The following BYSL variants were observed in gnomAD, a reference collection of about 807,000 sequenced individuals.
BYSL encodes bystin like, also known as bystin.
A neutral mutation model predicts 45.4 loss-of-function variants in BYSL; 21 were observed. That is an observed-to-expected ratio of 0.46 (90% confidence interval 0.33 to 0.67). The LOEUF (loss-of-function observed/expected upper bound fraction) is 0.67. Among genes scored for constraint, BYSL ranks in the 30% least tolerant of loss-of-function variants. The pLI, the probability that BYSL is intolerant of heterozygous loss-of-function variation, is 0.02. For missense variants in BYSL, 522 were observed against 578.5 expected (o/e 0.90, Z 1.00); for synonymous variants, 215 against 231.3 (o/e 0.93, Z 0.64).
At chr6:41,912,447 C>A in the BYSL span, among the ~76,000 whole-genome samples, 1 of 150,596 alleles carries the variant, frequency 6.6e-6, no homozygotes, top group Middle Eastern at 3.2e-3. Flanking sequence ...GCCTCTGCCT[C>A]CCAAGTTCAA....
the BYSL span, among the ~76,000 whole-genome samples, chr6:41,915,716 G>T: frequency 6.6e-6 from 1 of 151,816 alleles, no homozygotes; most frequent in African/African-American, 2.4e-5. Context: ...GAACCCTGGA[G>T]GCGGAGCTTG....
chr6:41,930,736 C>G lies in BYSL; in HGVS notation c.672C>G (p.Ala224=). 1 of 1,614,028 alleles carries G rather than the reference C, an allele frequency of 6.2e-7. No homozygotes were observed. The highest frequency in any genetic ancestry group is 8.5e-7 in the Non-Finnish European group (1 of 1,179,944). ...EQILYVTEPE[A]WTAAAMYQAT... ...TCCTCTACGTCACAGAGCCGGAGGC[C>G]TGGACTGCAGCTGCCATGTACCAGG... The change falls in exon 4 of 7, where the codon GCC becomes GCG. Residue 224 remains alanine, a synonymous_variant. Transcript: ENST00000230340.
chr6:41,918,714 G>T (rs939001421), upstream of BYSL, among the ~76,000 whole-genome samples: 3 of 150,614 alleles, frequency 2.0e-5, no homozygotes, highest in African/African-American at 7.3e-5. Context: ...TTGGGAGGCC[G>T]AGGCGGGTGG....
chr6:41,931,223 C>T (rs1420228443), intron 4 of BYSL, among the ~76,000 whole-genome samples, 173 bp from the exon 5 acceptor site: 1 of 130,806 alleles, frequency 7.6e-6, no homozygotes, highest in Non-Finnish European at 1.7e-5. Flanking sequence ...CTCCTATTCT[C>T]TCTCTAAGCT....
upstream of BYSL, chr6:41,917,665 T>G (rs1303852176): frequency 7.0e-6 from 3 of 428,844 alleles, no homozygotes; most frequent in South Asian, 4.9e-5. Flanking sequence ...ATGCCAAAGA[T>G]TCTAGATGAC....
rs1389916166 is a variant in BYSL, at chr6:41,921,969, G to A, written c.268+139G>A. On this transcript the variant is annotated intron_variant, in intron 1 of 6. Transcript: ENST00000230340. ...ACACTTGCAAAGGAGACTGAACCCT[G>A]TCTAGAGCCCTCCGCGTCCACTCCT... 8 of 1,284,708 alleles carry A rather than the reference G, an allele frequency of 6.2e-6. No homozygotes were observed. In the Admixed American group the frequency reaches 1.8e-4, roughly 29 times the overall value. 79.6% of individuals were successfully genotyped at this position (1,284,708 alleles called of 1,614,324 possible).
intron 1 of BYSL, among the ~76,000 whole-genome samples, chr6:41,925,916 T>A (rs1315837176): frequency 6.8e-6 from 1 of 147,138 alleles, no homozygotes; most frequent in African/African-American, 2.5e-5. Flanking sequence ...GAACTCCCAA[T>A]CTCATGATCC....
At chr6:41,908,942 G>A in the BYSL span, 55 of 375,984 alleles carry the variant, frequency 1.5e-4, no homozygotes, top group Non-Finnish European at 1.6e-4. Context: ...CAGCACTTTG[G>A]GGGGCTGAGA....
At chr6:41,922,564 G>A (rs977953325) in intron 1 of BYSL, among the ~76,000 whole-genome samples, 37 of 152,196 alleles carry the variant, frequency 2.4e-4, no homozygotes, top group Non-Finnish European at 4.6e-4. Flanking sequence ...CAACACTCCT[G>A]TTTTACTGCC....
intron 1 of BYSL, among the ~76,000 whole-genome samples, chr6:41,924,209 C>T (rs988375856): frequency 4.0e-5 from 6 of 150,734 alleles, no homozygotes; most frequent in African/African-American, 4.9e-5. Context: ...TACAGGCGCC[C>T]GCCACCACAC....
chr6:41,926,118 T>G (rs886104259), intron 1 of BYSL, among the ~76,000 whole-genome samples: 1 of 152,238 alleles, frequency 6.6e-6, no homozygotes, highest in African/African-American at 2.4e-5. Context: ...GACTCTTATA[T>G]CCAAGCCTTA....
At chr6:41,917,806 A>C (rs1179073615), upstream of BYSL, 1 of 471,358 alleles carries the variant, frequency 2.1e-6, no homozygotes, top group Admixed American at 2.3e-5. Flanking sequence ...AACTCTGTGA[A>C]CTTGAGCTGT....
intron 1 of BYSL, among the ~76,000 whole-genome samples, chr6:41,922,946 C>A (rs1775508924): frequency 6.6e-6 from 1 of 152,066 alleles, no homozygotes; most frequent in Non-Finnish European, 1.5e-5. Flanking sequence ...CCCCCACCAT[C>A]TCCTCTCTCT....
At chr6:41,909,547 A>C in the BYSL span, 1 of 1,608,448 alleles carries the variant, frequency 6.2e-7, no homozygotes, top group Non-Finnish European at 8.5e-7. Context: ...GATCCTATTC[A>C]TCATCAAGAC....
upstream of BYSL, chr6:41,921,409 G>A: frequency 9.3e-7 from 1 of 1,074,920 alleles, no homozygotes; most frequent in South Asian, 1.7e-5. Context: ...TTTAGTGGGA[G>A]GGGCGGCGCT....
chr6:41,925,190 G>T (rs1158233029), intron 1 of BYSL, among the ~76,000 whole-genome samples: 2 of 152,158 alleles, frequency 1.3e-5, no homozygotes, highest in East Asian at 3.8e-4. Context: ...CCGTTGGAAC[G>T]TGGAGACAAA....
chr6:41,931,729 G>A lies in BYSL; in HGVS notation c.867G>A (p.Gly289=), dbSNP rs754292572. The change falls in exon 6 of 7, where the codon GGG becomes GGA. Residue 289 remains glycine, a splice_region_variant and synonymous_variant. Transcript: ENST00000230340. ...TGGCTGCCCTTTGACTCTCCCTAGG[G>A]ATCCTGATTCCACTGTGCGAGTCTG... ...ALFKPGAWFK[G]ILIPLCESGT... 1.9e-6 allele frequency: 3 copies of A among 1,613,894 alleles called. No individual in the cohort carries two copies. The highest frequency in any genetic ancestry group is 2.5e-6 in the Non-Finnish European group (3 of 1,179,918).
chr6:41,917,225 C>A (rs924369766), upstream of BYSL, among the ~76,000 whole-genome samples: 1 of 152,026 alleles, frequency 6.6e-6, no homozygotes, highest in Non-Finnish European at 1.5e-5. Context: ...CATGGTGAAA[C>A]CCCGTCTCTA....
rs1013138966 is a variant in BYSL at position 41,927,474 on chromosome 6, G to T, written c.369G>T (p.Val123=). Residue 123 remains valine (V), a synonymous_variant, in exon 2 of 7, where the codon GTG becomes GTT. Transcript: ENST00000230340. ...CAGCAGCGGGCCATCATGCAGAGGT[G>T]GTTGTGGACCCTGAGGATGAGCGTG... is the stretch of plus-strand genomic sequence containing the variant. The part of the protein sequence containing the change: ...TMTAAGHHAE[V]VVDPEDERAI... The T allele has an allele frequency of 1.9e-6, 3 of 1,614,060 alleles. No individual in the cohort carries two copies. In the African/African-American group the frequency reaches 4.0e-5, roughly 22 times the overall value.
Sources: gnomAD v4.1 joint callset for allele counts (sites outside exome capture counted in the v4.1 genomes callset) on GRCh38, gnomAD v4.1.1 for gene constraint, MANE v1.5 for transcripts, NCBI Gene and HGNC (gene_info 2026-07-23, HGNC 2026-07-21) for gene names.